Variants in GRM8 observed in about 807,000 individuals in gnomAD.
GRM8 encodes glutamate metabotropic receptor 8, also known as metabotropic glutamate receptor 8.
A neutral mutation model predicts 87.2 loss-of-function variants in GRM8; 47 were observed. The ratio of observed to expected loss-of-function variants is 0.54; its 90% CI spans 0.43 to 0.69. The LOEUF (loss-of-function observed/expected upper bound fraction) is 0.69, where lower values mean the gene tolerates loss of function less well. GRM8 is among the 30% of genes least tolerant of loss of function. The probability of loss-of-function intolerance (pLI) is 0.00; values close to 1 mark genes in which losing one functional copy is unlikely to be tolerated. For synonymous variants in GRM8, 396 were observed against 404.5 expected (o/e 0.98, Z 0.25); for missense variants, 1,019 against 1,139.2 (o/e 0.89, Z 1.52).
intron 3 of GRM8, among the ~76,000 whole-genome samples, chr7:126,991,482 C>T (rs3757795): frequency 0.61 from 92,146 of 151,984 alleles, 28,259 homozygotes; most frequent in African/African-American, 0.68. Context: ...AAATTAATTA[C>T]TTAAAAGGTA....
chr7:127,071,209 GA>G (rs367590299), intron 3 of GRM8, among the ~76,000 whole-genome samples: 5 of 151,660 alleles, frequency 3.3e-5, no homozygotes, highest in African/African-American at 4.8e-5. Flanking sequence ...CGTGGCTGGG[GA>G]AAAAAAATAC....
At chr7:126,747,767 A>G (rs1815863283) in intron 7 of GRM8, among the ~76,000 whole-genome samples, 1 of 151,816 alleles carries the variant, frequency 6.6e-6, no homozygotes, top group Admixed American at 6.6e-5. Flanking sequence ...TTTTGCTTTG[A>G]GTAATAAAAC....
intron 3 of GRM8, among the ~76,000 whole-genome samples, chr7:127,073,725 T>A (rs1821961165): frequency 6.6e-6 from 1 of 152,116 alleles, no homozygotes; most frequent in East Asian, 1.9e-4. Context: ...AATCATGAGG[T>A]GGGAGCAAGC....
intron 2 of GRM8, among the ~76,000 whole-genome samples, chr7:127,226,795 G>T (rs1001374195): frequency 6.6e-6 from 1 of 152,222 alleles, no homozygotes; most frequent in African/African-American, 2.4e-5. Context: ...TCCAAATTCT[G>T]CTTTTTGCAG....
At chr7:126,467,861 GGTT>G (rs1297095198) in intron 9 of GRM8, among the ~76,000 whole-genome samples, 1 of 151,930 alleles carries the variant, frequency 6.6e-6, no homozygotes, top group Non-Finnish European at 1.5e-5. Flanking sequence ...CAATATATTT[GGTT>G]GTGATACTCA....
At chr7:126,893,953 T>C (rs1801305261) in intron 6 of GRM8, among the ~76,000 whole-genome samples, 1 of 152,084 alleles carries the variant, frequency 6.6e-6, no homozygotes, top group African/African-American at 2.4e-5. Context: ...GGTAATTCTC[T>C]TGTATTTCAG....
intron 2 of GRM8, among the ~76,000 whole-genome samples, chr7:127,178,600 C>G (rs1379042579): frequency 6.6e-6 from 1 of 152,162 alleles, no homozygotes; most frequent in Non-Finnish European, 1.5e-5. Context: ...AGCTGTGAGA[C>G]AGAAGCACCA....
intron 6 of GRM8, among the ~76,000 whole-genome samples, chr7:126,794,170 T>TA (rs1017004843): frequency 1.5e-3 from 216 of 145,820 alleles, no homozygotes; most frequent in African/African-American, 4.8e-3. Flanking sequence ...AAAAATAAAA[T>TA]AAAAAAAAAA....
At chr7:126,451,199 T>G (rs770810621) in intron 9 of GRM8, among the ~76,000 whole-genome samples, 8 of 151,820 alleles carry the variant, frequency 5.3e-5, no homozygotes, top group Non-Finnish European at 1.0e-4. Flanking sequence ...TGACAGCATC[T>G]GAAACTTAAC....
chr7:126,985,361 G>A (rs550246243), intron 3 of GRM8, among the ~76,000 whole-genome samples: 2 of 152,024 alleles, frequency 1.3e-5, no homozygotes, highest in South Asian at 4.2e-4. Context: ...TTCGCCACTG[G>A]ACAGAATGAT....
intron 9 of GRM8, among the ~76,000 whole-genome samples, chr7:126,464,444 T>A (rs942985762): frequency 3.3e-5 from 5 of 151,748 alleles, no homozygotes; most frequent in Non-Finnish European, 7.4e-5. Context: ...GTCTTTTGAT[T>A]GAAGATTTTA....
chr7:126,824,163 T>G (rs1794546910), intron 6 of GRM8, among the ~76,000 whole-genome samples: 1 of 152,216 alleles, frequency 6.6e-6, no homozygotes, highest in Non-Finnish European at 1.5e-5. Context: ...GTTATTATTA[T>G]TATTTCTTAG....
At chr7:126,771,241 C>G (rs146161513) in intron 6 of GRM8, among the ~76,000 whole-genome samples, 3 of 152,178 alleles carry the variant, frequency 2.0e-5, no homozygotes, top group African/African-American at 7.2e-5. Context: ...TATATTTACA[C>G]TCTGAAAAAC....
At chr7:126,717,216 A>C (rs1811855636) in intron 7 of GRM8, among the ~76,000 whole-genome samples, 1 of 151,134 alleles carries the variant, frequency 6.6e-6, no homozygotes, top group African/African-American at 2.5e-5. Flanking sequence ...GCAACTCTGG[A>C]TAGGGAAGAG....
chr7:126,805,141 T>C (rs1413579216), intron 6 of GRM8, among the ~76,000 whole-genome samples: 1 of 152,124 alleles, frequency 6.6e-6, no homozygotes, highest in Admixed American at 6.5e-5. Context: ...CCTAAAGAAA[T>C]TGGCTCAGAA....
chr7:126,900,818 G>C (rs992321417), intron 6 of GRM8, among the ~76,000 whole-genome samples: 1 of 152,008 alleles, frequency 6.6e-6, no homozygotes, highest in Non-Finnish European at 1.5e-5. Flanking sequence ...CCCCTAGTTA[G>C]CTCTTCTTAG....
At chr7:126,770,434 T>A (rs1818714207) in intron 6 of GRM8, among the ~76,000 whole-genome samples, 1 of 152,086 alleles carries the variant, frequency 6.6e-6, no homozygotes, top group Non-Finnish European at 1.5e-5. Context: ...CTGTCTCAGC[T>A]CCAGGAGTGT....
chr7:126,570,817 T>C (rs1490871080), intron 8 of GRM8, among the ~76,000 whole-genome samples: 6 of 152,214 alleles, frequency 3.9e-5, no homozygotes, highest in Non-Finnish European at 7.3e-5. Flanking sequence ...AATAGGTGTC[T>C]AGTTGATTCA....
intron 6 of GRM8, among the ~76,000 whole-genome samples, chr7:126,801,233 C>T (rs1025054948): frequency 4.6e-5 from 7 of 152,048 alleles, no homozygotes; most frequent in Non-Finnish European, 7.4e-5. Context: ...TAACCATTTG[C>T]CAACATTTAA....
Sources: gnomAD v4.1 joint callset for allele counts (sites outside exome capture counted in the v4.1 genomes callset) on GRCh38, gnomAD v4.1.1 for gene constraint, MANE v1.5 for transcripts, NCBI Gene and HGNC (gene_info 2026-07-23, HGNC 2026-07-21) for gene names.